The following PDE11A variants were observed in gnomAD, a reference collection of about 807,000 sequenced individuals.
PDE11A encodes the protein phosphodiesterase 11A, also known as dual 3',5'-cyclic-AMP and -GMP phosphodiesterase 11A.
A neutral mutation model predicts 100.5 loss-of-function variants in PDE11A; 100 were observed. That is an observed-to-expected ratio of 1.00 (90% CI 0.85 to 1.18). PDE11A has a LOEUF of 1.18. PDE11A is among the 50% of genes most tolerant of loss of function. The pLI is 0.00. For missense variants in PDE11A, 1,141 were observed against 1,152.6 expected, an observed-to-expected ratio of 0.99 and a Z score of 0.15; for synonymous variants, 381 against 420.8, an observed-to-expected ratio of 0.91 and a Z score of 1.16.
chr2:177,756,918 C>T (rs147374841), intron 10 of PDE11A, among the ~76,000 whole-genome samples: 1 of 152,160 alleles, frequency 6.6e-6, no homozygotes, highest in East Asian at 1.9e-4. Context: ...ACCCATCTAT[C>T]GAGAAAGTAA....
At chr2:178,071,296 G>A (rs150449521) in intron 1 of PDE11A, among the ~76,000 whole-genome samples, 137 of 152,328 alleles carry the variant, frequency 9.0e-4, no homozygotes, top group African/African-American at 3.1e-3. Context: ...AATACGTGGT[G>A]TTATTGGGTG....
rs962938307 is a variant in PDE11A at position 177,957,922 on chromosome 2, A to G, written c.1072-52735T>C. On this transcript the variant is annotated intron_variant, in intron 2 of 19. Transcript: ENST00000286063. ...GTTTTTCCAATGCCTTTTTTTTGAG[A>G]CGGAGTCTCTTGCTGTTGCCCAGGC... Among the ~76,000 whole-genome samples, 125 of 21,630 alleles carry G rather than the reference A, an allele frequency of 5.8e-3. 2 individuals are homozygous for G. The highest frequency in any genetic ancestry group is 6.9e-3 in the African/African-American group (7 of 1,020). The allele number at this position is 21,630 out of a possible 152,430, so 14.2% of individuals were successfully genotyped here.
At chr2:177,693,628 A>C (rs764421100) in intron 15 of PDE11A, among the ~76,000 whole-genome samples, 13 of 152,188 alleles carry the variant, frequency 8.5e-5, no homozygotes, top group Admixed American at 1.3e-4. Context: ...TGATTACAGA[A>C]CACCTGGAAA....
intron 12 of PDE11A, among the ~76,000 whole-genome samples, chr2:177,719,618 C>T (rs1574076514): frequency 6.6e-6 from 1 of 152,228 alleles, no homozygotes; most frequent in East Asian, 1.9e-4. Flanking sequence ...TATTCCTAAT[C>T]TGTGTCATCG....
chr2:178,075,597 C>T (rs536609834), upstream of PDE11A, among the ~76,000 whole-genome samples: 1 of 146,562 alleles, frequency 6.8e-6, no homozygotes, highest in Admixed American at 6.7e-5. Context: ...CTCAAGCTAA[C>T]CTCAAAGGAG....
At chr2:177,879,902 C>T (rs1209122780) in intron 4 of PDE11A, among the ~76,000 whole-genome samples, 1 of 152,140 alleles carries the variant, frequency 6.6e-6, no homozygotes, top group Non-Finnish European at 1.5e-5. Context: ...CTTACTCCAA[C>T]ATAAATTACA....
At chr2:177,731,379 T>C (rs1359605627) in intron 10 of PDE11A, among the ~76,000 whole-genome samples, 1 of 152,194 alleles carries the variant, frequency 6.6e-6, no homozygotes, top group African/African-American at 2.4e-5. Flanking sequence ...ACCTGTTTCC[T>C]TGGGGAAGCC....
chr2:178,035,139 T>C (rs1574357169), intron 1 of PDE11A, among the ~76,000 whole-genome samples: 1 of 149,058 alleles, frequency 6.7e-6, no homozygotes, highest in African/African-American at 2.5e-5. Context: ...GTTAGACTAA[T>C]AAAGAAGAAA....
At chr2:178,037,377 G>A (rs544352276) in intron 1 of PDE11A, among the ~76,000 whole-genome samples, 2 of 152,190 alleles carry the variant, frequency 1.3e-5, no homozygotes, top group African/African-American at 2.4e-5. Flanking sequence ...AACAATAGAT[G>A]CTGGAGAGGC....
intron 1 of PDE11A, among the ~76,000 whole-genome samples, chr2:178,063,075 A>T (rs2086993829): frequency 6.6e-6 from 1 of 152,220 alleles, no homozygotes; most frequent in Non-Finnish European, 1.5e-5. Context: ...ACAAAACTAC[A>T]AATCATCAAC....
chr2:177,783,263 T>C (rs2082479508), intron 9 of PDE11A, among the ~76,000 whole-genome samples: 1 of 152,200 alleles, frequency 6.6e-6, no homozygotes, highest in South Asian at 2.1e-4. Flanking sequence ...CCCATACAAC[T>C]CCTTCCTTAG....
chr2:177,713,987 CTTTTTTTTTT>C (rs57211363), intron 12 of PDE11A, among the ~76,000 whole-genome samples: 9 of 77,406 alleles, frequency 1.2e-4, no homozygotes, highest in South Asian at 6.2e-4. Context: ...TTTCTTTTTT[CTTTTTTTTTT>C]TTTTTTTTTT....
chr2:177,802,174 C>A (rs965367285), intron 9 of PDE11A, among the ~76,000 whole-genome samples: 3 of 151,964 alleles, frequency 2.0e-5, no homozygotes, highest in Non-Finnish European at 4.4e-5. Flanking sequence ...TATGCACTTA[C>A]CAGAATGACT....
At chr2:177,768,855 G>A (rs1315886397) in intron 10 of PDE11A, among the ~76,000 whole-genome samples, 1 of 152,152 alleles carries the variant, frequency 6.6e-6, no homozygotes, top group African/African-American at 2.4e-5. Flanking sequence ...GTTTTTCACA[G>A]GATTGTGAGG....
chr2:177,802,368 G>A (rs1180269683), intron 9 of PDE11A, among the ~76,000 whole-genome samples: 1 of 151,942 alleles, frequency 6.6e-6, no homozygotes. Context: ...TAGCCCAAGA[G>A]AAATCATAGC....
rs116628967 is a variant in PDE11A at position 177,940,063 on chromosome 2, G to A, written c.1072-34876C>T. On this transcript the variant is annotated intron_variant, in intron 2 of 19. Coordinates refer to ENST00000286063, the MANE Select transcript of PDE11A (RefSeq NM_016953.4). ...ATATTTGTGGATAAAGTTGAATGAC[G>A]TTTGAAATTTGCTTCACGATAACAT... Among the ~76,000 whole-genome samples, 1,040 of 152,168 alleles carry A rather than the reference G, an allele frequency of 6.8e-3. 12 individuals carry two copies. Among genetic ancestry groups the A allele is most frequent in the African/African-American group, 0.023 (963 of 41,530 alleles).
chr2:178,100,917 A>G (rs1310757504), intron 2 of PDE11A, among the ~76,000 whole-genome samples: 1 of 152,226 alleles, frequency 6.6e-6, no homozygotes, highest in Non-Finnish European at 1.5e-5. Flanking sequence ...TTATAACAGG[A>G]TAATAATAAA....
chr2:177,982,235 T>G (rs1318111471), intron 2 of PDE11A, among the ~76,000 whole-genome samples: 1 of 150,878 alleles, frequency 6.6e-6, no homozygotes, highest in African/African-American at 2.4e-5. Flanking sequence ...TAAGCTTTTG[T>G]TATTTTTTTT....
rs181156901 is a variant in PDE11A at position 177,969,315 on chromosome 2, A to T, written c.1071+44987T>A. ...TAGCATTAGGAGAAATACCTAATGC[A>T]TGTGGGGCTGAAAACCTAGATGATG... On this transcript the variant is annotated intron_variant, in intron 2 of 19. Coordinates refer to ENST00000286063, the MANE Select transcript of PDE11A (RefSeq NM_016953.4). Among the ~76,000 whole-genome samples, 237 of 152,222 alleles carry T rather than the reference A, an allele frequency of 1.6e-3. 2 individuals are homozygous for T. Among genetic ancestry groups the T allele is most frequent in the Non-Finnish European group, 2.5e-3 (168 of 68,004 alleles).
Sources: allele counts gnomAD v4.1 joint callset (sites outside exome capture counted in the v4.1 genomes callset), GRCh38; gene constraint gnomAD v4.1.1; transcripts MANE v1.5; gene names NCBI Gene and HGNC (gene_info 2026-07-23, HGNC 2026-07-21).